Variants in ADPRHL1 observed in about 807,000 individuals in gnomAD.
The protein encoded by ADPRHL1 is ADP-ribosylhydrolase like 1, also known as inactive ADP-ribosyltransferase ARH2.
In ADPRHL1, 43 loss-of-function variants were observed where a neutral mutation model predicts 44.1. That is an observed-to-expected ratio of 0.98 (90% CI 0.76 to 1.26). The LOEUF (loss-of-function observed/expected upper bound fraction) is 1.26. ADPRHL1 is among the 50% of genes most tolerant of loss of function. The pLI, the probability that ADPRHL1 is intolerant of heterozygous loss-of-function variation, is 0.00. For missense variants in ADPRHL1, 2,022 were observed against 2,496.9 expected, an observed-to-expected ratio of 0.81 and a Z score of 4.05; for synonymous variants, 878 against 1,017.4, an observed-to-expected ratio of 0.86 and a Z score of 2.61.
chr13:113,450,482 CACT>C (rs976445936), intron 1 of ADPRHL1, among the ~76,000 whole-genome samples: 13 of 152,226 alleles, frequency 8.5e-5, no homozygotes, highest in Admixed American at 2.0e-4. Flanking sequence ...CCCGGGGGAC[CACT>C]ACTACCAATG....
At chr13:113,446,658 T>G (rs149850652) in intron 1 of ADPRHL1, among the ~76,000 whole-genome samples, 276 of 152,312 alleles carry the variant, frequency 1.8e-3, no homozygotes, top group African/African-American at 6.5e-3. Flanking sequence ...CAGTGTTGTA[T>G]GTGCATGGTG....
At chr13:113,434,367 A>T (rs2044031203) in intron 2 of ADPRHL1, among the ~76,000 whole-genome samples, 1 of 148,244 alleles carries the variant, frequency 6.7e-6, no homozygotes, top group Admixed American at 6.7e-5. Context: ...GGATGAACAT[A>T]GGTGTACCCT....
At chr13:113,437,402 G>A (rs1371547776) in intron 2 of ADPRHL1, among the ~76,000 whole-genome samples, 7 of 151,406 alleles carry the variant, frequency 4.6e-5, no homozygotes, top group East Asian at 1.9e-4. Flanking sequence ...GGTGTACCCC[G>A]GGACCCAGCA....
chr13:113,402,801 A>C lies in ADPRHL1; in HGVS notation c.*577T>G, dbSNP rs939950241. 6.6e-6 allele frequency: 1 copy of C among 152,576 alleles called. No homozygotes were observed. Among genetic ancestry groups the C allele is most frequent in the East Asian group, 1.9e-4 (1 of 5,192 alleles). The allele number at this position is 152,576 out of a possible 1,614,324, so 9.5% of individuals were successfully genotyped here. A position where few individuals can be genotyped will look rare whatever the true frequency, so the allele number is the denominator to read the frequency against. ...CCACCACATGGCCCAGCAGCCACAC[A>C]GCACCCGGCACCCACCTGGGCGTCT... On this transcript the variant is annotated 3_prime_UTR_variant, in exon 8 of 8. Coordinates refer to ENST00000612156, the MANE Select transcript of ADPRHL1 (RefSeq NM_001394807.1).
intron 4 of ADPRHL1, among the ~76,000 whole-genome samples, chr13:113,426,375 G>A (rs2139622527): frequency 6.6e-6 from 1 of 152,364 alleles, no homozygotes; most frequent in African/African-American, 2.4e-5. Flanking sequence ...GCAGGCCGCT[G>A]GTGGCTGTCA....
At chr13:113,432,526 C>G (rs1288465145) in intron 3 of ADPRHL1, among the ~76,000 whole-genome samples, 1 of 152,236 alleles carries the variant, frequency 6.6e-6, no homozygotes, top group Non-Finnish European at 1.5e-5. Flanking sequence ...GCATCTGACT[C>G]TGGCCCACCA....
chr13:113,433,676 A>G (rs2044023423), intron 3 of ADPRHL1, 66 bp downstream of exon 3: 1 of 1,379,710 alleles, frequency 7.2e-7, no homozygotes. Flanking sequence ...TTAACCTGTG[A>G]GGTGGTTGTG....
intron 2 of ADPRHL1, among the ~76,000 whole-genome samples, chr13:113,437,659 T>C (rs1300416052): frequency 6.6e-6 from 1 of 152,198 alleles, no homozygotes; most frequent in African/African-American, 2.4e-5. Flanking sequence ...TATGGCTGAA[T>C]AGCTCCCTCT....
In ADPRHL1 at chr13:113,437,788, C is replaced by T. The variant is rs1426362005; in HGVS notation, c.380-3921G>A. Among the ~76,000 whole-genome samples the T allele has an allele frequency of 1.1e-4, 17 of 152,176 alleles. No homozygotes were observed. The East Asian group carries it at 2.5e-3, about 22-fold the overall frequency. The stretch of plus-strand genomic sequence containing the variant: ...TGGACAGAGGCTCTCTTCTCTTGGG[C>T]GAATGCTGGGGCAGAGCCTCCAGAT... On this transcript the variant is annotated intron_variant, in intron 2 of 7. Transcript: ENST00000612156.
At chr13:113,418,108 G>C (rs1174484775) in intron 7 of ADPRHL1, among the ~76,000 whole-genome samples, 1 of 152,176 alleles carries the variant, frequency 6.6e-6, no homozygotes, top group African/African-American at 2.4e-5. Flanking sequence ...GCTTGAGTGT[G>C]GTTTTCGGAT....
chr13:113,435,153 T>C (rs1413525536), intron 2 of ADPRHL1, among the ~76,000 whole-genome samples: 6 of 58,318 alleles, frequency 1.0e-4, no homozygotes, highest in South Asian at 8.4e-4. Flanking sequence ...CACCCACGCA[T>C]AGAGTGAACA....
chr13:113,439,774 A>G (rs533463050), intron 2 of ADPRHL1, among the ~76,000 whole-genome samples: 15 of 152,184 alleles, frequency 9.9e-5, no homozygotes, highest in Non-Finnish European at 2.2e-4. Flanking sequence ...AAGATGTAAT[A>G]CTATTTAGAT....
chr13:113,407,601 GGCA>G lies in ADPRHL1; in HGVS notation c.1678_1680del (p.Cys560del). Reference sequence around the variant, plus strand: ...CTCAGCGCACTGGCCTCGGAGCACAGGCAGCTGTTCTGCTCGAACTTCTCCCGC... The same window carrying G: ...CTCAGCGCACTGGCCTCGGAGCACAGGCTGTTCTGCTCGAACTTCTCCCGC... On this transcript the variant is annotated inframe_deletion, in exon 8 of 8. Coordinates refer to ENST00000612156, the MANE Select transcript of ADPRHL1 (RefSeq NM_001394807.1). 3 of 1,232,180 alleles carry G rather than the reference GGCA, an allele frequency of 2.4e-6. No homozygotes were observed. The highest frequency in any genetic ancestry group is 3.0e-6 in the Non-Finnish European group (3 of 988,058). The allele number at this position is 1,232,180 out of a possible 1,614,324, so 76.3% of individuals were successfully genotyped here. A position where few individuals can be genotyped will look rare whatever the true frequency, so the allele number is the denominator to read the frequency against.
rs115987476 is a variant in ADPRHL1, at chr13:113,433,242, C to T, written c.505+500G>A. ...TGGTCTCCTTGGCTCCCTTGGCCGG[C>T]GGGTGGTGGGGCCAACCCAGGGCAC... On this transcript the variant is annotated intron_variant, in intron 3 of 7. Transcript: ENST00000612156. 6.3e-3 allele frequency among the ~76,000 whole-genome samples: 960 copies of T among 152,274 alleles called. 7 individuals are homozygous for T. Among genetic ancestry groups the T allele is most frequent in the African/African-American group, 0.015 (623 of 41,564 alleles).
intron 7 of ADPRHL1, among the ~76,000 whole-genome samples, chr13:113,418,700 G>A (rs1293585340): frequency 6.6e-6 from 1 of 152,076 alleles, no homozygotes; most frequent in Middle Eastern, 3.2e-3. Flanking sequence ...CCCAAGTCCT[G>A]GCTTCAGAGC....
At chr13:113,448,727 G>A (rs2044159232) in intron 1 of ADPRHL1, among the ~76,000 whole-genome samples, 2 of 152,336 alleles carry the variant, frequency 1.3e-5, no homozygotes, top group South Asian at 4.1e-4. Flanking sequence ...GGCTGAGTGA[G>A]CCTCAGGGCA....
At chr13:113,411,517 A>C (rs2043852011) in intron 7 of ADPRHL1, among the ~76,000 whole-genome samples, 2 of 152,258 alleles carry the variant, frequency 1.3e-5, no homozygotes, top group Non-Finnish European at 2.9e-5. Context: ...AGACCTGGCC[A>C]GCAACCAGCG....
At chr13:113,430,891 G>A (rs942969586) in intron 3 of ADPRHL1, among the ~76,000 whole-genome samples, 6 of 152,198 alleles carry the variant, frequency 3.9e-5, no homozygotes, top group African/African-American at 7.2e-5. Flanking sequence ...AGTGACCCCC[G>A]TTGCCGAGCC....
chr13:113,438,413 G>T (rs6577047), intron 2 of ADPRHL1, among the ~76,000 whole-genome samples: 51,961 of 152,024 alleles, frequency 0.34, 9,175 homozygotes, highest in Middle Eastern at 0.49. Flanking sequence ...AAATTTTATA[G>T]TTGGGCATGG....
Sources: allele counts gnomAD v4.1 joint callset (sites outside exome capture counted in the v4.1 genomes callset), GRCh38; gene constraint gnomAD v4.1.1; transcripts MANE v1.5; gene names NCBI Gene and HGNC (gene_info 2026-07-23, HGNC 2026-07-21).